Variants in IL1R1 observed in about 807,000 individuals in gnomAD.
IL1R1 encodes interleukin 1 receptor type 1.
A neutral mutation model predicts 50.2 loss-of-function variants in IL1R1; 22 were observed. The observed-to-expected ratio is 0.44, with a 90% CI of 0.31 to 0.63. The LOEUF (loss-of-function observed/expected upper bound fraction) is 0.63. IL1R1 is among the 20% of genes least tolerant of loss of function. IL1R1 has a pLI of 0.07. For synonymous variants in IL1R1, 251 were observed against 236.7 expected (o/e 1.06, Z -0.55); for missense variants, 509 against 676.2 (o/e 0.75, Z 2.74).
At chr2:102,110,893 G>C (rs1484942572) in intron 1 of IL1R1, among the ~76,000 whole-genome samples, 1 of 152,144 alleles carries the variant, frequency 6.6e-6, no homozygotes, top group Non-Finnish European at 1.5e-5. Flanking sequence ...ACAGAAGGCT[G>C]CAGAGACAGC....
At chr2:102,143,384 C>G (rs998782044) in intron 1 of IL1R1, among the ~76,000 whole-genome samples, 16 of 152,302 alleles carry the variant, frequency 1.1e-4, no homozygotes, top group Middle Eastern at 3.4e-3. Flanking sequence ...GTCTCCTTAA[C>G]AAGGTAAGGG....
chr2:102,137,279 T>C (rs184284298), intron 1 of IL1R1, among the ~76,000 whole-genome samples: 507 of 152,324 alleles, frequency 3.3e-3, no homozygotes, highest in Middle Eastern at 0.01. Flanking sequence ...ATTATTTTGC[T>C]AGAATCTACC....
At chr2:102,168,468 G>A in intron 6 of IL1R1, 130 bp from the exon 7 acceptor site, 1 of 742,396 alleles carries the variant, frequency 1.3e-6, no homozygotes, top group Non-Finnish European at 2.4e-6. Context: ...CTGTCTCCTG[G>A]CATATGTGCT....
At chr2:102,115,057 G>T (rs1248201897) in intron 1 of IL1R1, among the ~76,000 whole-genome samples, 2 of 152,166 alleles carry the variant, frequency 1.3e-5, no homozygotes, top group African/African-American at 4.8e-5. Context: ...GTCAACCCTG[G>T]CTGCATATTG....
At chr2:102,146,086 C>A (rs1683094632) in intron 1 of IL1R1, among the ~76,000 whole-genome samples, 1 of 152,050 alleles carries the variant, frequency 6.6e-6, no homozygotes, top group Non-Finnish European at 1.5e-5. Flanking sequence ...ATGACCCTCC[C>A]TGTAAGCACA....
Position 102,152,987 on chromosome 2 carries a change from C to CA in IL1R1, c.-83-943dup, listed in dbSNP as rs5832998. 4.3e-3 allele frequency among the ~76,000 whole-genome samples: 632 copies of CA among 146,006 alleles called. 3 individuals carry two copies. Among genetic ancestry groups the CA allele is most frequent in the African/African-American group, 0.014 (559 of 39,002 alleles). On this transcript the variant is annotated intron_variant, in intron 1 of 11. Coordinates refer to ENST00000410023, the MANE Select transcript of IL1R1 (RefSeq NM_000877.4). Reference sequence around the variant, plus strand: ...CAAAGGCCCAAAGAAATGATTCAGACAAAAAAAAAAATTAGACTCCAAAAT... The same window carrying CA: ...CAAAGGCCCAAAGAAATGATTCAGACAAAAAAAAAAAATTAGACTCCAAAAT...
chr2:102,179,058 A>C lies in IL1R1; in HGVS notation c.*2299A>C, dbSNP rs1173445715. The stretch of plus-strand genomic sequence containing the variant: ...AGTGCTGTTCTGGAGCTGCTGTTCC[A>C]ACAGACAGGGCCTAGCTTTCATTTG... On this transcript the variant is annotated 3_prime_UTR_variant, in exon 12 of 12. Transcript: ENST00000410023. The C allele has an allele frequency of 6.6e-6, 1 of 152,356 alleles. No homozygotes were observed. The highest frequency in any genetic ancestry group is 1.9e-4 in the East Asian group (1 of 5,332). 9.4% of individuals were successfully genotyped at this position (152,356 alleles called of 1,614,324 possible). A position where few individuals can be genotyped will look rare whatever the true frequency, so the allele number is the denominator to read the frequency against.
intron 7 of IL1R1, among the ~76,000 whole-genome samples, chr2:102,169,296 A>G (rs1424154677): frequency 6.6e-6 from 1 of 152,244 alleles, no homozygotes; most frequent in African/African-American, 2.4e-5. Flanking sequence ...AAAGAACCCC[A>G]CAAGCATCTA....
chr2:102,105,499 G>A (rs758064636), intron 1 of IL1R1, among the ~76,000 whole-genome samples: 6 of 152,074 alleles, frequency 3.9e-5, no homozygotes, highest in Non-Finnish European at 8.8e-5. Flanking sequence ...CGAGTAGCTG[G>A]GACTATAGGC....
chr2:102,105,761 A>T (rs1472591921), intron 1 of IL1R1, among the ~76,000 whole-genome samples: 1 of 152,160 alleles, frequency 6.6e-6, no homozygotes, highest in Non-Finnish European at 1.5e-5. Context: ...TTCAATAAGG[A>T]CCTCAAAGGT....
chr2:102,126,499 G>A (rs1179141787), intron 1 of IL1R1, among the ~76,000 whole-genome samples: 1 of 152,138 alleles, frequency 6.6e-6, no homozygotes, highest in East Asian at 1.9e-4. Flanking sequence ...TTAAAACTGT[G>A]CGAAAAATAC....
At chr2:102,143,695 C>T (rs1253236216) in intron 1 of IL1R1, among the ~76,000 whole-genome samples, 2 of 152,182 alleles carry the variant, frequency 1.3e-5, no homozygotes, top group Non-Finnish European at 2.9e-5. Context: ...ATGCAGCCCC[C>T]CTCTGTCTTC....
At chr2:102,129,576 T>C (rs1170379189) in intron 1 of IL1R1, among the ~76,000 whole-genome samples, 1 of 152,224 alleles carries the variant, frequency 6.6e-6, no homozygotes, top group Non-Finnish European at 1.5e-5. Flanking sequence ...ATCTCAATGA[T>C]GACTTAGGAT....
intron 2 of IL1R1, among the ~76,000 whole-genome samples, chr2:102,157,197 G>A (rs1037431349): frequency 2.0e-5 from 3 of 152,088 alleles, no homozygotes; most frequent in African/African-American, 7.2e-5. Flanking sequence ...TTTTTTGGGT[G>A]CATTTCTATG....
In IL1R1 at chr2:102,142,752, C is replaced by T. The variant is rs1337695132; in HGVS notation, c.-352C>T. ...AGCCAGAGCCGCGCCCGGCAGTTCC[C>T]GGCCGCGAGGGCGGGCGCAGCTTGT... On this transcript the variant is annotated 5_prime_UTR_variant, in exon 1 of 12. Coordinates refer to ENST00000410023, the MANE Select transcript of IL1R1 (RefSeq NM_000877.4). The T allele has an allele frequency of 6.7e-6, 1 of 150,174 alleles. No individual in the cohort carries two copies. Among genetic ancestry groups the T allele is most frequent in the African/African-American group, 2.4e-5 (1 of 41,260 alleles). 9.3% of individuals were successfully genotyped at this position (150,174 alleles called of 1,614,324 possible).
At chr2:102,089,505 A>T (rs1679566966) in intron 1 of IL1R1, among the ~76,000 whole-genome samples, 1 of 152,238 alleles carries the variant, frequency 6.6e-6, no homozygotes, top group Admixed American at 6.5e-5. Context: ...GAATTACCAA[A>T]ATGTGACACA....
At chr2:102,094,218 C>T (rs1375047325) in intron 1 of IL1R1, among the ~76,000 whole-genome samples, 10 of 152,136 alleles carry the variant, frequency 6.6e-5, no homozygotes, top group Admixed American at 6.5e-4. Context: ...GAATAAAATG[C>T]TGGTGAAAAC....
chr2:102,156,530 G>A (rs1315858307), intron 2 of IL1R1, among the ~76,000 whole-genome samples: 1 of 121,432 alleles, frequency 8.2e-6, no homozygotes, highest in Non-Finnish European at 1.7e-5. Flanking sequence ...TTTTTTTTTT[G>A]AGATGGAGTC....
At chr2:102,170,015 G>A (rs1275071798) in intron 7 of IL1R1, among the ~76,000 whole-genome samples, 2 of 152,182 alleles carry the variant, frequency 1.3e-5, no homozygotes, top group Admixed American at 6.5e-5. Context: ...CACAGCCCCT[G>A]TTGAAAATGC....
Sources: allele counts gnomAD v4.1 joint callset (sites outside exome capture counted in the v4.1 genomes callset), GRCh38; gene constraint gnomAD v4.1.1; transcripts MANE v1.5; gene names NCBI Gene and HGNC (gene_info 2026-07-23, HGNC 2026-07-21).